The following MMP26 variants were observed in gnomAD, a reference collection of about 807,000 sequenced individuals.
MMP26 encodes the protein matrix metallopeptidase 26.
In MMP26, 33 loss-of-function variants were observed where a neutral mutation model predicts 31.0. The observed-to-expected ratio is 1.06, with a 90% CI of 0.81 to 1.42. The LOEUF (loss-of-function observed/expected upper bound fraction) is 1.42. Ranked by LOEUF, MMP26 falls within the 40% of genes most tolerant of loss-of-function variation. The pLI, the probability that MMP26 is intolerant of heterozygous loss-of-function variation, is 0.00. For synonymous variants in MMP26, 122 were observed against 114.9 expected (o/e 1.06, Z -0.40); for missense variants, 347 against 316.1 (o/e 1.10, Z -0.74).
intron 1 of MMP26, among the ~76,000 whole-genome samples, chr11:4,729,139 C>T (rs1199191791): frequency 6.6e-6 from 1 of 151,278 alleles, no homozygotes; most frequent in Non-Finnish European, 1.5e-5. Flanking sequence ...TATTTTTATC[C>T]AAAGCTTTAA....
At chr11:4,836,739 A>G (rs1849724791) in intron 2 of MMP26, among the ~76,000 whole-genome samples, 1 of 139,300 alleles carries the variant, frequency 7.2e-6, no homozygotes, top group East Asian at 2.1e-4. Flanking sequence ...TGCCCACTGC[A>G]ACTTCTGCCT....
chr11:4,774,226 A>G (rs1848762585), intron 2 of MMP26, among the ~76,000 whole-genome samples: 1 of 152,220 alleles, frequency 6.6e-6, no homozygotes, highest in Non-Finnish European at 1.5e-5. Context: ...AAATGGTTGA[A>G]CTAATTTACA....
At chr11:4,736,196 C>T (rs1848237942) in intron 1 of MMP26, 1 of 151,784 alleles carries the variant, frequency 6.6e-6, no homozygotes, top group Non-Finnish European at 1.5e-5. Context: ...TTTTAATGGC[C>T]CTACGGATCT....
At chr11:4,919,937 T>C (rs1248514576) in intron 2 of MMP26, among the ~76,000 whole-genome samples, 1 of 152,120 alleles carries the variant, frequency 6.6e-6, no homozygotes, top group Non-Finnish European at 1.5e-5. Flanking sequence ...TTTCCAGACA[T>C]CCAGGAGCTA....
At chr11:4,962,831 T>C (rs909181905) in intron 2 of MMP26, among the ~76,000 whole-genome samples, 2 of 152,136 alleles carry the variant, frequency 1.3e-5, no homozygotes, top group Non-Finnish European at 2.9e-5. Context: ...AACTTCTGGG[T>C]TGAGCTGGTG....
At chr11:4,914,487 G>C (rs113651232) in intron 2 of MMP26, 489 of 490,352 alleles carry the variant, frequency 1.0e-3, no homozygotes, top group African/African-American at 8.6e-3. Flanking sequence ...TGTGGGTTTA[G>C]AATTATTGCT....
intron 2 of MMP26, chr11:4,913,135 C>T (rs1414946744): frequency 6.6e-6 from 1 of 152,182 alleles, no homozygotes; most frequent in Non-Finnish European, 1.5e-5. Flanking sequence ...TCATTCTCAA[C>T]TTTGTGGCTA....
chr11:4,755,645 T>G (rs985140886), intron 1 of MMP26, among the ~76,000 whole-genome samples: 3 of 152,018 alleles, frequency 2.0e-5, no homozygotes, highest in Non-Finnish European at 4.4e-5. Context: ...AATTTAGGTT[T>G]ACAATTTCCC....
At chr11:4,729,067 G>T (rs1348858844) in intron 1 of MMP26, among the ~76,000 whole-genome samples, 1 of 151,328 alleles carries the variant, frequency 6.6e-6, no homozygotes, top group Admixed American at 6.6e-5. Flanking sequence ...CATTTAAATT[G>T]TTCCAATTTT....
intron 2 of MMP26, among the ~76,000 whole-genome samples, chr11:4,788,273 T>A (rs1369972259): frequency 1.3e-5 from 2 of 151,926 alleles, no homozygotes; most frequent in African/African-American, 4.8e-5. Flanking sequence ...TTAGGAGACA[T>A]GTTACAAGCC....
chr11:4,824,581 G>A (rs1849556357), intron 2 of MMP26, among the ~76,000 whole-genome samples: 1 of 152,070 alleles, frequency 6.6e-6, no homozygotes, highest in Non-Finnish European at 1.5e-5. Context: ...TGTTGCCTCT[G>A]TGAAGACATT....
At chr11:4,840,319 C>A (rs11604631) in intron 2 of MMP26, among the ~76,000 whole-genome samples, 1 of 152,196 alleles carries the variant, frequency 6.6e-6, no homozygotes, top group African/African-American at 2.4e-5. Flanking sequence ...GCCCCATGGC[C>A]TAAAGCAAAC....
At chr11:4,962,110 T>C (rs745950498) in intron 2 of MMP26, among the ~76,000 whole-genome samples, 1 of 152,184 alleles carries the variant, frequency 6.6e-6, no homozygotes, top group Non-Finnish European at 1.5e-5. Flanking sequence ...CCTCAAATCC[T>C]TGGTCAAGTT....
At chr11:4,914,219 G>A (rs1230077584) in intron 2 of MMP26, 1 of 156,358 alleles carries the variant, frequency 6.4e-6, no homozygotes, top group Non-Finnish European at 1.4e-5. Flanking sequence ...GAGCCTACTG[G>A]ATGGAACACC....
intron 2 of MMP26, among the ~76,000 whole-genome samples, chr11:4,834,946 A>ATTATC (rs1162201430): frequency 6.6e-6 from 1 of 152,086 alleles, no homozygotes; most frequent in African/African-American, 2.4e-5. Context: ...ATAGACATAA[A>ATTATC]TTATCTTAAA....
rs189883409 is a variant in MMP26, at chr11:4,822,032, C to T, written c.-145+54691C>T. Reference sequence around the variant, plus strand: ...ATCAACAGCATCCTTGGTCTGTTTGCGCTTTTGTCCACTACAGGGTTTGAC... The same window carrying T: ...ATCAACAGCATCCTTGGTCTGTTTGTGCTTTTGTCCACTACAGGGTTTGAC... On this transcript the variant is annotated intron_variant, in intron 2 of 7. Coordinates refer to ENST00000380390, the MANE Select transcript of MMP26 (RefSeq NM_021801.5). The T allele has an allele frequency of 2.2e-5, 35 of 1,613,816 alleles. No individual in the cohort carries two copies. The highest frequency in any genetic ancestry group is 1.7e-4 in the African/African-American group (13 of 74,986).
intron 2 of MMP26, among the ~76,000 whole-genome samples, chr11:4,886,411 C>G (rs1272851836): frequency 6.6e-6 from 1 of 152,064 alleles, no homozygotes; most frequent in Non-Finnish European, 1.5e-5. Flanking sequence ...TTCTACCTTC[C>G]CAGGTTCTTG....
intron 2 of MMP26, among the ~76,000 whole-genome samples, chr11:4,881,357 C>G (rs1296309178): frequency 2.0e-5 from 3 of 152,114 alleles, no homozygotes; most frequent in Non-Finnish European, 4.4e-5. Flanking sequence ...TCTCATCGCT[C>G]AGTTACTTTT....
chr11:4,833,984 G>A (rs893141072), intron 2 of MMP26, among the ~76,000 whole-genome samples: 2 of 152,094 alleles, frequency 1.3e-5, no homozygotes, highest in African/African-American at 2.4e-5. Context: ...GTACTCTGTC[G>A]ATGGTATGTG....
Sources: gnomAD v4.1 joint callset for allele counts (sites outside exome capture counted in the v4.1 genomes callset) on GRCh38, gnomAD v4.1.1 for gene constraint, MANE v1.5 for transcripts, NCBI Gene and HGNC (gene_info 2026-07-23, HGNC 2026-07-21) for gene names.